AKT3: variants seen among roughly 807,000 people sequenced by gnomAD.
AKT3 encodes RAC-gamma serine/threonine-protein kinase.
In AKT3, 15 loss-of-function variants were observed where a neutral mutation model predicts 65.3. That is an observed-to-expected ratio of 0.23 (90% CI 0.15 to 0.35). The LOEUF is 0.35. Among genes scored for constraint, AKT3 ranks in the 10% least tolerant of loss-of-function variants. The pLI is 1.00. For missense variants in AKT3, 243 were observed against 576.5 expected, an observed-to-expected ratio of 0.42 and a Z score of 5.92; for synonymous variants, 206 against 183.8, an observed-to-expected ratio of 1.12 and a Z score of -0.98.
chr1:243,742,313 G>T (rs1258014411), intron 2 of AKT3, among the ~76,000 whole-genome samples: 2 of 152,024 alleles, frequency 1.3e-5, no homozygotes, highest in African/African-American at 4.8e-5. Context: ...AAAAAGAATC[G>T]GATTTTATGT....
At chr1:243,649,411 A>G (rs1433362476) in intron 4 of AKT3, among the ~76,000 whole-genome samples, 2 of 151,726 alleles carry the variant, frequency 1.3e-5, no homozygotes, top group African/African-American at 4.8e-5. Flanking sequence ...ATATATATAC[A>G]CATACACACA....
At chr1:243,822,466 T>TAA (rs754043685) in intron 2 of AKT3, among the ~76,000 whole-genome samples, 26 of 100,414 alleles carry the variant, frequency 2.6e-4, no homozygotes, top group African/African-American at 3.7e-4. Flanking sequence ...TAAAAACCCT[T>TAA]CAAAAAAAAA....
intron 8 of AKT3, among the ~76,000 whole-genome samples, chr1:243,605,434 A>G (rs1264109453): frequency 6.6e-6 from 1 of 152,224 alleles, no homozygotes; most frequent in Non-Finnish European, 1.5e-5. Flanking sequence ...ATGAAGCTCT[A>G]TGCATGGAAA....
intron 2 of AKT3, among the ~76,000 whole-genome samples, chr1:243,813,184 G>A (rs970695807): frequency 2.6e-5 from 4 of 151,922 alleles, no homozygotes; most frequent in African/African-American, 9.7e-5. Flanking sequence ...TAAAAAAAAA[G>A]AGAAAAATAT....
chr1:243,694,626 T>C (rs1684940475), intron 3 of AKT3, among the ~76,000 whole-genome samples: 1 of 151,932 alleles, frequency 6.6e-6, no homozygotes, highest in Non-Finnish European at 1.5e-5. Context: ...AAAAATACAG[T>C]AGCCATTCTA....
intron 13 of AKT3, among the ~76,000 whole-genome samples, chr1:243,492,155 T>G (rs1666590378): frequency 6.6e-6 from 1 of 151,950 alleles, no homozygotes; most frequent in South Asian, 2.1e-4. Flanking sequence ...ACAACATGGC[T>G]GGCAGAGGGA....
intron 2 of AKT3, among the ~76,000 whole-genome samples, chr1:243,745,282 G>T (rs1253500582): frequency 6.6e-6 from 1 of 152,188 alleles, no homozygotes; most frequent in Admixed American, 6.5e-5. Context: ...TGAGGTTGCA[G>T]TGAGCTATGA....
At chr1:243,595,398 G>A (rs1676532048) in intron 8 of AKT3, among the ~76,000 whole-genome samples, 1 of 152,160 alleles carries the variant, frequency 6.6e-6, no homozygotes, top group Non-Finnish European at 1.5e-5. Flanking sequence ...GATTACTGTA[G>A]ACTATGAACA....
intron 6 of AKT3, among the ~76,000 whole-genome samples, chr1:243,630,525 A>C (rs955769248): frequency 6.6e-6 from 1 of 152,226 alleles, no homozygotes; most frequent in Non-Finnish European, 1.5e-5. Flanking sequence ...CAGCAAGGGA[A>C]ATTCGATTTC....
intron 8 of AKT3, among the ~76,000 whole-genome samples, chr1:243,607,138 A>G (rs1677488761): frequency 6.6e-6 from 1 of 152,226 alleles, no homozygotes; most frequent in African/African-American, 2.4e-5. Flanking sequence ...GTGGTGTTGT[A>G]GCCCCCACAC....
At chr1:243,514,878 T>C (rs12088492) in intron 12 of AKT3, among the ~76,000 whole-genome samples, 1 of 152,260 alleles carries the variant, frequency 6.6e-6, no homozygotes, top group South Asian at 2.1e-4. Flanking sequence ...CATATGTATA[T>C]ACCCATGAAA....
intron 13 of AKT3, chr1:243,489,259 A>G (rs538625340): frequency 1.5e-6 from 2 of 1,362,534 alleles, no homozygotes; most frequent in Admixed American, 2.1e-5. Context: ...GTAAGCTGGG[A>G]GGGAGGTCCC....
intron 8 of AKT3, among the ~76,000 whole-genome samples, chr1:243,611,692 A>G (rs1459400126): frequency 6.6e-6 from 1 of 151,788 alleles, no homozygotes; most frequent in African/African-American, 2.4e-5. Flanking sequence ...TCAAAAAAAA[A>G]AAGATGTACC....
At chr1:243,554,490 A>T (rs763306954) in intron 10 of AKT3, among the ~76,000 whole-genome samples, 5 of 152,224 alleles carry the variant, frequency 3.3e-5, no homozygotes, top group African/African-American at 2.4e-5. Flanking sequence ...TAATTTGAGA[A>T]CAAATAGAAA....
At chr1:243,808,470 AG>A (rs1418393765) in intron 2 of AKT3, among the ~76,000 whole-genome samples, 1 of 152,230 alleles carries the variant, frequency 6.6e-6, no homozygotes, top group Non-Finnish European at 1.5e-5. Context: ...CGAGAAGAGA[AG>A]TTTAGAGAAA....
At chr1:243,633,133 G>A (rs1039144485) in intron 6 of AKT3, among the ~76,000 whole-genome samples, 16 of 152,128 alleles carry the variant, frequency 1.1e-4, no homozygotes, top group South Asian at 2.1e-4. Flanking sequence ...AAAAACTAAA[G>A]CAAGAATCCA....
At chr1:243,496,567 C>G (rs1046774223), downstream of AKT3, among the ~76,000 whole-genome samples, 8 of 152,204 alleles carry the variant, frequency 5.3e-5, no homozygotes, top group Admixed American at 5.2e-4. Flanking sequence ...GGGGTTGTTA[C>G]CTTCAGAAGG....
At chr1:243,588,939 CAG>C (rs1676002854) in intron 8 of AKT3, among the ~76,000 whole-genome samples, 1 of 152,070 alleles carries the variant, frequency 6.6e-6, no homozygotes, top group African/African-American at 2.4e-5. Context: ...AAACAATCAA[CAG>C]AGTCAAAAAC....
intron 3 of AKT3, among the ~76,000 whole-genome samples, chr1:243,688,425 T>C (rs1378224188): frequency 6.6e-6 from 1 of 152,180 alleles, no homozygotes; most frequent in Non-Finnish European, 1.5e-5. Flanking sequence ...TTGTCAAAAA[T>C]GGAGAACATC....
Sources: allele counts gnomAD v4.1 joint callset (sites outside exome capture counted in the v4.1 genomes callset), GRCh38; gene constraint gnomAD v4.1.1; transcripts MANE v1.5; gene names NCBI Gene and HGNC (gene_info 2026-07-23, HGNC 2026-07-21).